The following ZFP1 variants were observed in gnomAD, a reference collection of about 807,000 sequenced individuals.
ZFP1 encodes ZFP1 zinc finger protein.
In ZFP1, 32 loss-of-function variants were observed where a neutral mutation model predicts 38.5. The ratio of observed to expected loss-of-function variants is 0.83; its 90% confidence interval spans 0.63 to 1.12. ZFP1 has a LOEUF of 1.12. Ranked by LOEUF, ZFP1 falls within the 50% of genes most tolerant of loss-of-function variation. The probability of loss-of-function intolerance (pLI) is 0.00; values close to 1 mark genes in which losing one functional copy is unlikely to be tolerated. For missense variants in ZFP1, 616 were observed against 480.8 expected (o/e 1.28, Z -2.63); for synonymous variants, 245 against 168.8 (o/e 1.45, Z -3.50).
rs2145596338 is a variant in ZFP1 at position 75,171,508 on chromosome 16, C to G, written c.*1174C>G. The G allele has an allele frequency of 6.6e-6, 1 of 152,232 alleles. No individual in the cohort carries two copies. Among genetic ancestry groups the G allele is most frequent in the South Asian group, 2.1e-4 (1 of 4,824 alleles). The allele number at this position is 152,232 out of a possible 1,614,324, so 9.4% of individuals were successfully genotyped here. Reference sequence around the variant, plus strand: ...CATGAGTTATAAGTTATTACTTTTCCTTTACATGTTTACACTTTTATAAAA... The same window carrying G: ...CATGAGTTATAAGTTATTACTTTTCGTTTACATGTTTACACTTTTATAAAA... On this transcript the variant is annotated 3_prime_UTR_variant, in exon 4 of 4. Transcript: ENST00000570010.
rs949150993 is a variant in ZFP1 at position 75,171,782 on chromosome 16, C to G, written c.*1448C>G. On this transcript the variant is annotated 3_prime_UTR_variant, in exon 4 of 4. Coordinates refer to ENST00000570010, the MANE Select transcript of ZFP1 (RefSeq NM_153688.4). Reference sequence around the variant, plus strand: ...AAATTTATCCAGAACATCCATAGCCCAATAAGCTTTTGTCTAAGTTGTCAT... The same window carrying G: ...AAATTTATCCAGAACATCCATAGCCGAATAAGCTTTTGTCTAAGTTGTCAT... 4 of 152,160 alleles carry G rather than the reference C, an allele frequency of 2.6e-5. No homozygotes were observed. The highest frequency in any genetic ancestry group is 9.7e-5 in the African/African-American group (4 of 41,442). 9.4% of individuals were successfully genotyped at this position (152,160 alleles called of 1,614,324 possible). A position where few individuals can be genotyped will look rare whatever the true frequency, so the allele number is the denominator to read the frequency against.
At chr16:75,142,685 A>G in the ZFP1 span, among the ~76,000 whole-genome samples, 2 of 152,134 alleles carry the variant, frequency 1.3e-5, no homozygotes, top group African/African-American at 2.4e-5. Flanking sequence ...TGCTTCCCAA[A>G]TAAAACCTGT....
At chr16:75,135,214 A>AAAAAAAG in the ZFP1 span, among the ~76,000 whole-genome samples, 1 of 143,332 alleles carries the variant, frequency 7.0e-6, no homozygotes, top group Non-Finnish European at 1.5e-5. Flanking sequence ...TATCTCAAAA[A>AAAAAAAG]AAAAAAAAAA....
the ZFP1 span, among the ~76,000 whole-genome samples, chr16:75,132,987 T>C: frequency 4.0e-5 from 6 of 150,538 alleles, no homozygotes; most frequent in African/African-American, 1.2e-4. Context: ...TTTTAACTTT[T>C]TTTTTTTCAA....
chr16:75,130,520 C>T, the ZFP1 span, among the ~76,000 whole-genome samples: 1 of 152,174 alleles, frequency 6.6e-6, no homozygotes, highest in Non-Finnish European at 1.5e-5. Context: ...TAAACTCCAT[C>T]ATTTTGCTTC....
At chr16:75,159,269 TTCCCTCAC>T (rs2037627566) in intron 2 of ZFP1, among the ~76,000 whole-genome samples, 3 of 138,498 alleles carry the variant, frequency 2.2e-5, no homozygotes, top group Admixed American at 7.5e-5. Flanking sequence ...TTTCCCTTCC[TTCCCTCAC>T]TTCCCTTCCT....
chr16:75,168,551 A>AC (rs1206253568), intron 3 of ZFP1, among the ~76,000 whole-genome samples: 1 of 151,446 alleles, frequency 6.6e-6, no homozygotes, highest in Admixed American at 6.6e-5. Flanking sequence ...TCAGTAGAAA[A>AC]AAAAAAGCAA....
the ZFP1 span, among the ~76,000 whole-genome samples, chr16:75,139,376 A>C: frequency 7.4e-6 from 1 of 135,588 alleles, no homozygotes; most frequent in East Asian, 2.0e-4. Flanking sequence ...CTCAAAAAAA[A>C]AAAAAAAAAA....
the ZFP1 span, chr16:75,126,233 C>G: frequency 2.6e-5 from 4 of 151,826 alleles, no homozygotes; most frequent in East Asian, 7.8e-4. Flanking sequence ...CACTGCAACC[C>G]CCGCCTCCCA....
At chr16:75,132,755 C>G in the ZFP1 span, 2 of 141,800 alleles carry the variant, frequency 1.4e-5, no homozygotes, top group African/African-American at 5.2e-5. Context: ...CTCCTGAGTT[C>G]AAGTGGTTCT....
intron 2 of ZFP1, among the ~76,000 whole-genome samples, chr16:75,163,817 C>T (rs1210554481): frequency 4.0e-5 from 6 of 151,538 alleles, no homozygotes; most frequent in South Asian, 2.1e-4. Context: ...TGCCATGTTG[C>T]CCAGGGTGGT....
intron 2 of ZFP1, among the ~76,000 whole-genome samples, chr16:75,155,694 CAA>C (rs1213316634): frequency 6.6e-6 from 1 of 152,176 alleles, no homozygotes; most frequent in Non-Finnish European, 1.5e-5. Context: ...TTCTTTATGA[CAA>C]ATTTTCTGAT....
Position 75,170,153 on chromosome 16 carries a change from G to T in ZFP1, c.1043G>T (p.Gly348Val). ...ATCATACACATGAGAACTCATACAG[G>T]AGAGAAACCCTATGAATGTACTGAG... ...QLIIHMRTHTGEKPYECTECG... is the reference protein window; with the variant it reads ...QLIIHMRTHTVEKPYECTECG... Residue 348 changes from glycine (G) to valine (V), a missense_variant, in exon 4 of 4, where the codon GGA (glycine) becomes GTA (valine). Gly to Val is a moderately radical substitution (Grantham distance 109, BLOSUM62 -3). Transcript: ENST00000570010. 6.2e-7 allele frequency: 1 copy of T among 1,614,144 alleles called. No individual in the cohort carries two copies. Among genetic ancestry groups the T allele is most frequent in the Non-Finnish European group, 8.5e-7 (1 of 1,180,014 alleles).
the ZFP1 span, among the ~76,000 whole-genome samples, chr16:75,141,540 A>C: frequency 2.0e-5 from 3 of 151,866 alleles, no homozygotes; most frequent in Non-Finnish European, 4.4e-5. Flanking sequence ...CAACTAAATC[A>C]GAGTTGAGAG....
In ZFP1 at chr16:75,170,001, G is replaced by T; in HGVS notation, c.891G>T (p.Glu297Asp). 6.2e-7 allele frequency: 1 copy of T among 1,614,138 alleles called. No individual in the cohort carries two copies. Among genetic ancestry groups the T allele is most frequent in the Non-Finnish European group, 8.5e-7 (1 of 1,180,028 alleles). Residue 297 changes from glutamate to aspartate, a missense_variant, in exon 4 of 4, where the codon GAG becomes GAT. Coordinates refer to ENST00000570010, the MANE Select transcript of ZFP1 (RefSeq NM_153688.4). ...QRIHTGERPY[E>D]CNECAKTFFK... ...TTCATACAGGAGAGCGACCCTATGA[G>T]TGTAACGAATGTGCAAAAACCTTCT...
At chr16:75,144,660 T>A (rs545437037), upstream of ZFP1, among the ~76,000 whole-genome samples, 6 of 152,292 alleles carry the variant, frequency 3.9e-5, no homozygotes, top group Admixed American at 2.0e-4. Flanking sequence ...TTTCTCATTA[T>A]CCCAAACAGA....
At chr16:75,119,642 A>C in the ZFP1 span, 3 of 152,162 alleles carry the variant, frequency 2.0e-5, no homozygotes, top group East Asian at 5.8e-4. Context: ...AGCTGGTCTT[A>C]ATTTCTCCTT....
chr16:75,164,810 T>TG (rs1555523833), intron 2 of ZFP1, among the ~76,000 whole-genome samples: 3 of 29,012 alleles, frequency 1.0e-4, no homozygotes, highest in African/African-American at 4.3e-4. Context: ...TTTCCATAAG[T>TG]TTTTTTTTTT....
chr16:75,140,867 G>A, the ZFP1 span, among the ~76,000 whole-genome samples: 1 of 152,104 alleles, frequency 6.6e-6, no homozygotes, highest in Non-Finnish European at 1.5e-5. Context: ...GCTGAGGCAG[G>A]AGAAAGTCAT....
Sources: allele counts gnomAD v4.1 joint callset (sites outside exome capture counted in the v4.1 genomes callset), GRCh38; gene constraint gnomAD v4.1.1; transcripts MANE v1.5; gene names NCBI Gene and HGNC (gene_info 2026-07-23, HGNC 2026-07-21).